FAM13A: variants seen among roughly 807,000 people sequenced by gnomAD.
FAM13A encodes the protein protein FAM13A.
FAM13A carries 76 observed loss-of-function variants against 129.6 expected under a neutral mutation model. That is an observed-to-expected ratio of 0.59 (90% CI 0.49 to 0.71). The LOEUF (loss-of-function observed/expected upper bound fraction) is 0.71. Among genes scored for constraint, FAM13A ranks in the 30% least tolerant of loss-of-function variants. The pLI is 0.00. For synonymous variants in FAM13A, 443 were observed against 449.9 expected (o/e 0.98, Z 0.20); for missense variants, 1,108 against 1,249.3 (o/e 0.89, Z 1.70).
At chr4:88,851,600 G>A (rs77239806) in intron 6 of FAM13A, among the ~76,000 whole-genome samples, 15 of 152,142 alleles carry the variant, frequency 9.9e-5, no homozygotes, top group South Asian at 4.1e-4. Flanking sequence ...CTGGAATAAA[G>A]GATGCCAGTG....
intron 5 of FAM13A, among the ~76,000 whole-genome samples, chr4:88,909,060 T>C (rs1436832935): frequency 6.6e-6 from 1 of 152,226 alleles, no homozygotes; most frequent in Non-Finnish European, 1.5e-5. Context: ...AAACATTTTC[T>C]AAATCTTTAT....
chr4:88,899,358 T>C (rs1746879497), intron 6 of FAM13A, among the ~76,000 whole-genome samples: 1 of 151,848 alleles, frequency 6.6e-6, no homozygotes, highest in Admixed American at 6.6e-5. Flanking sequence ...AGTTGAGGGA[T>C]AAAAAGCTAC....
chr4:88,740,026 G>C (rs190651983), intron 19 of FAM13A, among the ~76,000 whole-genome samples: 80 of 152,260 alleles, frequency 5.3e-4, no homozygotes, highest in African/African-American at 1.8e-3. Context: ...CCCTGGTATA[G>C]TATTGGAAGC....
intron 1 of FAM13A, among the ~76,000 whole-genome samples, chr4:89,054,217 T>C (rs1771942675): frequency 1.3e-5 from 2 of 152,096 alleles, no homozygotes; most frequent in Middle Eastern, 3.4e-3. Flanking sequence ...TCAATGGACA[T>C]AGAAACTGAG....
At chr4:88,771,142 C>G (rs1720592825) in intron 11 of FAM13A, among the ~76,000 whole-genome samples, 1 of 116,898 alleles carries the variant, frequency 8.6e-6, no homozygotes, top group South Asian at 3.1e-4. Flanking sequence ...ATGCTACAAC[C>G]CGGAAAGCAT....
At chr4:88,856,525 A>G (rs958374051) in intron 6 of FAM13A, among the ~76,000 whole-genome samples, 1 of 151,522 alleles carries the variant, frequency 6.6e-6, no homozygotes, top group Non-Finnish European at 1.5e-5. Flanking sequence ...AAACCAAAAA[A>G]CCCCAAAAAA....
intron 3 of FAM13A, among the ~76,000 whole-genome samples, chr4:89,001,106 G>A (rs1022290652): frequency 6.6e-6 from 1 of 152,170 alleles, no homozygotes; most frequent in Non-Finnish European, 1.5e-5. Flanking sequence ...AGATGCATAC[G>A]TGTACCCAGT....
chr4:89,045,534 A>G (rs1770730458), intron 1 of FAM13A, among the ~76,000 whole-genome samples: 1 of 152,238 alleles, frequency 6.6e-6, no homozygotes, highest in Admixed American at 6.5e-5. Flanking sequence ...TGAAAGGCAC[A>G]TCACAACCCG....
chr4:89,026,870 C>T (rs1163166090), intron 2 of FAM13A, among the ~76,000 whole-genome samples: 1 of 152,180 alleles, frequency 6.6e-6, no homozygotes, highest in African/African-American at 2.4e-5. Context: ...TTTCAATTAA[C>T]ATCTAACCAT....
rs187123318 is a variant in FAM13A, at chr4:88,773,571, G to A, written c.1459-5512C>T. 7.6e-4 allele frequency among the ~76,000 whole-genome samples: 115 copies of A among 152,152 alleles called. 2 individuals carry two copies. In the South Asian group the frequency reaches 8.1e-3, roughly 11 times the overall value. ...CAGCAGCTCCTTCTTAGTCCCTTGTGGTGCTCCCTTCTCATCTGCTTACCC... is the reference window on the plus strand; with the variant it reads ...CAGCAGCTCCTTCTTAGTCCCTTGTAGTGCTCCCTTCTCATCTGCTTACCC... On this transcript the variant is annotated intron_variant, in intron 11 of 23. Transcript: ENST00000264344.
intron 1 of FAM13A, among the ~76,000 whole-genome samples, chr4:89,052,724 ACTCT>A (rs1368763011): frequency 2.6e-5 from 4 of 151,318 alleles, no homozygotes; most frequent in Non-Finnish European, 5.9e-5. Flanking sequence ...CCCACCTAGA[ACTCT>A]CTCTCCCCAC....
intron 2 of FAM13A, among the ~76,000 whole-genome samples, chr4:89,026,478 C>G (rs1374411925): frequency 6.6e-6 from 1 of 152,160 alleles, no homozygotes; most frequent in Non-Finnish European, 1.5e-5. Context: ...TCATAAAGAA[C>G]TGCCTGAGAG....
At chr4:89,002,331 G>A (rs1764374235) in intron 3 of FAM13A, among the ~76,000 whole-genome samples, 1 of 152,150 alleles carries the variant, frequency 6.6e-6, no homozygotes, top group South Asian at 2.1e-4. Flanking sequence ...GCAGGCATGT[G>A]CTCAGACAGG....
chr4:88,726,736 T>C lies in FAM13A; in HGVS notation c.*1797A>G, dbSNP rs1348962539. 2 of 152,634 alleles carry C rather than the reference T, an allele frequency of 1.3e-5. No individual in the cohort carries two copies. Among genetic ancestry groups the C allele is most frequent in the Non-Finnish European group, 2.9e-5 (2 of 68,032 alleles). The allele number at this position is 152,634 out of a possible 1,614,324, so 9.5% of individuals were successfully genotyped here. ...TGCATCATTTTATTTATAATCTCAC[T>C]CCTTGAAATTATAGCAATCTGCAAT... is the stretch of plus-strand genomic sequence containing the variant. On this transcript the variant is annotated 3_prime_UTR_variant, in exon 24 of 24. Transcript: ENST00000264344.
intron 14 of FAM13A, among the ~76,000 whole-genome samples, chr4:88,754,069 A>G (rs1192759920): frequency 6.6e-6 from 1 of 152,218 alleles, no homozygotes; most frequent in East Asian, 1.9e-4. Flanking sequence ...CTAAACCACC[A>G]CATAAAATAA....
chr4:88,805,877 A>G (rs928668263), intron 7 of FAM13A, among the ~76,000 whole-genome samples: 4 of 152,046 alleles, frequency 2.6e-5, no homozygotes, highest in Non-Finnish European at 4.4e-5. Context: ...TATGTTGCCC[A>G]TGCTGGTCTT....
At chr4:88,937,218 G>T (rs987001128) in intron 5 of FAM13A, 3 of 152,108 alleles carry the variant, frequency 2.0e-5, no homozygotes, top group Admixed American at 1.3e-4. Context: ...CAAAGTCATG[G>T]CCTCAACTGG....
intron 18 of FAM13A, 123 bp downstream of exon 18, chr4:88,747,508 C>G (rs747129089): frequency 2.1e-5 from 17 of 795,876 alleles, no homozygotes; most frequent in Middle Eastern, 3.7e-4. Context: ...TCCCTAGACA[C>G]GTAACAGCCT....
chr4:89,031,170 A>G (rs1197011148), intron 1 of FAM13A, among the ~76,000 whole-genome samples: 1 of 152,162 alleles, frequency 6.6e-6, no homozygotes, highest in Non-Finnish European at 1.5e-5. Flanking sequence ...TTGTAGGTTT[A>G]TAAATGTATC....
Sources: gnomAD v4.1 joint callset for allele counts (sites outside exome capture counted in the v4.1 genomes callset) on GRCh38, gnomAD v4.1.1 for gene constraint, MANE v1.5 for transcripts, NCBI Gene and HGNC (gene_info 2026-07-23, HGNC 2026-07-21) for gene names.